Variants in COL11A1 observed in about 807,000 individuals in gnomAD.
COL11A1 encodes collagen type XI alpha 1 chain.
COL11A1 carries 74 observed loss-of-function variants against 265.2 expected under a neutral mutation model. The observed-to-expected ratio is 0.28, with a 90% CI of 0.23 to 0.34. The LOEUF (loss-of-function observed/expected upper bound fraction) is 0.34. Among genes scored for constraint, COL11A1 ranks in the 10% least tolerant of loss-of-function variants. The probability of loss-of-function intolerance (pLI) is 1.00; values close to 1 mark genes in which losing one functional copy is unlikely to be tolerated. For synonymous variants in COL11A1, 816 were observed against 727.6 expected, an observed-to-expected ratio of 1.12 and a Z score of -1.96; for missense variants, 2,165 against 2,263.6, an observed-to-expected ratio of 0.96 and a Z score of 0.88.
At chr1:103,083,023 T>C (rs760605051) in intron 1 of COL11A1, 51 bp from the exon 2 acceptor site, 9 of 1,535,100 alleles carry the variant, frequency 5.9e-6, no homozygotes, top group South Asian at 3.4e-5. Context: ...CGATCTGATA[T>C]AACAATGAGT....
chr1:103,028,022 T>TG (rs1553239922), intron 5 of COL11A1, among the ~76,000 whole-genome samples: 1 of 151,758 alleles, frequency 6.6e-6, no homozygotes, highest in African/African-American at 2.4e-5. Context: ...GTTTGTTTGT[T>TG]TTTTGTTTTG....
At position 102,935,009 on chromosome 1, in the gene COL11A1, A is replaced by G. The variant is rs760675588; in HGVS notation, c.3492+51T>C. ...TGGTTATGGGACAGTATACAAATTT[A>G]ATCAGGGAGCTGTAAGGATTTAGAT... On this transcript the variant is annotated intron_variant, in intron 45 of 66. Transcript: ENST00000370096. 1.2e-5 allele frequency: 19 copies of G among 1,568,086 alleles called. 1 individual carries two copies. In the Admixed American group the frequency reaches 2.8e-4, roughly 23 times the overall value.
intron 4 of COL11A1, among the ~76,000 whole-genome samples, chr1:103,037,626 C>T (rs1183556541): frequency 6.6e-6 from 1 of 152,114 alleles, no homozygotes; most frequent in Admixed American, 6.6e-5. Flanking sequence ...ATAACTAAAA[C>T]AGTTAATGCA....
chr1:102,978,767 A>T lies in COL11A1; in HGVS notation c.2710-15T>A. ...CCTGAAGTGCCCTGGCACCAAGAAA[A>T]GAAAAGAAAAATCAGTTTGAATTCT... On this transcript the variant is annotated splice_polypyrimidine_tract_variant and intron_variant, in intron 34 of 66. Transcript: ENST00000370096. 2 of 1,614,178 alleles carry T rather than the reference A, an allele frequency of 1.2e-6. No individual in the cohort carries two copies. The highest frequency in any genetic ancestry group is 1.7e-6 in the Non-Finnish European group (2 of 1,180,018).
rs138051047 is a variant in COL11A1, at chr1:102,903,271, G to A, written c.4087-4277C>T. Among the ~76,000 whole-genome samples, 608 of 152,138 alleles carry A rather than the reference G, an allele frequency of 4.0e-3. 17 individuals carry two copies. Among genetic ancestry groups the A allele is most frequent in the Admixed American group, 0.032 (483 of 15,282 alleles). On this transcript the variant is annotated intron_variant, in intron 54 of 66. Coordinates refer to ENST00000370096, the MANE Select transcript of COL11A1 (RefSeq NM_001854.4). ...GAATGATAATGTAATTCTCCTACTT[G>A]TTTAATAACCACTAGAATTTTCTTT...
intron 11 of COL11A1, among the ~76,000 whole-genome samples, chr1:103,017,524 G>A (rs757838308): frequency 6.6e-6 from 1 of 152,090 alleles, no homozygotes; most frequent in Non-Finnish European, 1.5e-5. Context: ...TGGAAAATAT[G>A]ACTGGAATTC....
chr1:103,062,129 CATAA>C lies in COL11A1; in HGVS notation c.651+12485_651+12488del, dbSNP rs1386281508. The stretch of plus-strand genomic sequence containing the variant: ...TTGGTAGATCCAATCTGTAAAAACT[CATAA>C]ATAAAGAATTAGAAAATCTGAAAAG... On this transcript the variant is annotated intron_variant, in intron 4 of 66. Coordinates refer to ENST00000370096, the MANE Select transcript of COL11A1 (RefSeq NM_001854.4). 4.6e-5 allele frequency among the ~76,000 whole-genome samples: 7 copies of C among 151,888 alleles called. No homozygotes were observed. The East Asian group carries it at 9.7e-4, about 21-fold the overall frequency.
chr1:103,090,786 T>C (rs528098478), intron 1 of COL11A1, among the ~76,000 whole-genome samples: 1 of 152,290 alleles, frequency 6.6e-6, no homozygotes, highest in African/African-American at 2.4e-5. Context: ...CATCCACATT[T>C]CCCTAGAGCT....
chr1:103,022,455 G>A (rs1050496056), intron 8 of COL11A1, among the ~76,000 whole-genome samples: 5 of 151,936 alleles, frequency 3.3e-5, no homozygotes, highest in African/African-American at 1.2e-4. Flanking sequence ...TTGCTACTTG[G>A]AATAAAAACA....
At chr1:103,050,640 G>T (rs571417821) in intron 4 of COL11A1, among the ~76,000 whole-genome samples, 49 of 152,238 alleles carry the variant, frequency 3.2e-4, no homozygotes, top group Middle Eastern at 6.8e-3. Context: ...TCCATTGCTG[G>T]TGAGGAGCTG....
In COL11A1 at chr1:103,082,966, G is replaced by A. The variant is rs781586633; in HGVS notation, c.113C>T (p.Pro38Leu). 1.4e-5 allele frequency: 22 copies of A among 1,612,460 alleles called. No homozygotes were observed. Among genetic ancestry groups the A allele is most frequent in the Non-Finnish European group, 1.5e-5 (18 of 1,179,312 alleles). Residue 38 changes from proline to leucine, a missense_variant, in exon 2 of 67, where the codon CCA (proline) becomes CTA (leucine). Coordinates refer to ENST00000370096, the MANE Select transcript of COL11A1 (RefSeq NM_001854.4). Reference protein sequence around the residue: ...FQAREVRGAAPVDVLKALDFH... With the variant: ...FQAREVRGAALVDVLKALDFH... ...ATCTAGTGCTTTTAGTACATCAACT[G>A]GAGCAGCTGAAAAATAAGCAAACAA...
chr1:103,029,507 G>A (rs1163146685), intron 5 of COL11A1, among the ~76,000 whole-genome samples: 1 of 151,682 alleles, frequency 6.6e-6, no homozygotes, highest in Non-Finnish European at 1.5e-5. Context: ...TATTATTGAA[G>A]GATCAACATA....
intron 41 of COL11A1, among the ~76,000 whole-genome samples, chr1:102,958,073 C>T (rs1050657547): frequency 1.3e-5 from 2 of 152,042 alleles, no homozygotes; most frequent in African/African-American, 2.4e-5. Context: ...TCCTGTCTTG[C>T]ACTTACAATT....
chr1:103,013,526 C>T (rs948816546), intron 13 of COL11A1, among the ~76,000 whole-genome samples: 1 of 151,436 alleles, frequency 6.6e-6, no homozygotes, highest in African/African-American at 2.4e-5. Flanking sequence ...TTGCATTATG[C>T]CAAAATCTAA....
At chr1:102,926,994 T>C (rs904767795) in intron 46 of COL11A1, among the ~76,000 whole-genome samples, 8 of 152,142 alleles carry the variant, frequency 5.3e-5, no homozygotes, top group African/African-American at 1.9e-4. Context: ...TAAAATGAGA[T>C]AAATAAAAAA....
At chr1:103,023,163 T>C (rs1667239081) in intron 7 of COL11A1, among the ~76,000 whole-genome samples, 167 bp from the exon 8 acceptor site, 1 of 152,164 alleles carries the variant, frequency 6.6e-6, no homozygotes, top group Non-Finnish European at 1.5e-5. Flanking sequence ...TTGAAAGAAA[T>C]ATATTTGTAC....
In COL11A1 at chr1:103,036,322, G is replaced by GTATATATA. The variant is rs3056958; in HGVS notation, c.652-5086_652-5079dup. Among the ~76,000 whole-genome samples, 615 of 140,320 alleles carry GTATATATA rather than the reference G, an allele frequency of 4.4e-3. 6 individuals carry two copies. The highest frequency in any genetic ancestry group is 0.015 in the African/African-American group (580 of 38,122). The allele number at this position is 140,320 out of a possible 152,430, so 92.1% of individuals were successfully genotyped here. The stretch of plus-strand genomic sequence containing the variant: ...GCTGAAAAACAAAAAAGTTGCTATC[G>GTATATATA]TATATATATATATATATATATATAT... On this transcript the variant is annotated intron_variant, in intron 4 of 66. Coordinates refer to ENST00000370096, the MANE Select transcript of COL11A1 (RefSeq NM_001854.4).
chr1:103,091,988 T>C (rs951743910), intron 1 of COL11A1, among the ~76,000 whole-genome samples: 1 of 152,130 alleles, frequency 6.6e-6, no homozygotes, highest in Non-Finnish European at 1.5e-5. Flanking sequence ...TGTATTTTCT[T>C]ACAATTCCAG....
chr1:103,096,448 G>C (rs1337498037), intron 1 of COL11A1, among the ~76,000 whole-genome samples: 1 of 151,924 alleles, frequency 6.6e-6, no homozygotes, highest in African/African-American at 2.4e-5. Context: ...AGATGGAGAA[G>C]GCTGTGAGAA....
Sources: allele counts gnomAD v4.1 joint callset (sites outside exome capture counted in the v4.1 genomes callset), GRCh38; gene constraint gnomAD v4.1.1; transcripts MANE v1.5; gene names NCBI Gene and HGNC (gene_info 2026-07-23, HGNC 2026-07-21).